Variants in OBSL1 observed in about 807,000 individuals in gnomAD.
OBSL1 encodes obscurin like cytoskeletal adaptor 1.
In OBSL1, 160 loss-of-function variants were observed where a neutral mutation model predicts 172.0. The ratio of observed to expected loss-of-function variants is 0.93; its 90% CI spans 0.82 to 1.06. The LOEUF is 1.06. Among genes scored for constraint, OBSL1 ranks in the 50% least tolerant of loss-of-function variants. The pLI, the probability that OBSL1 is intolerant of heterozygous loss-of-function variation, is 0.00. For synonymous variants in OBSL1, 1,200 were observed against 1,196.3 expected (o/e 1.00, Z -0.06); for missense variants, 2,681 against 2,715.4 (o/e 0.99, Z 0.28).
At chr2:219,547,441 T>G (rs1293039496), downstream of OBSL1, 2 of 1,316,766 alleles carry the variant, frequency 1.5e-6, no homozygotes, top group Non-Finnish European at 2.0e-6. Context: ...CTTGACCCCT[T>G]GGACCTGCTC....
chr2:219,571,202 G>C lies in OBSL1; in HGVS notation c.31C>G (p.Pro11Ala). 5 of 1,452,552 alleles carry C rather than the reference G, an allele frequency of 3.4e-6. No individual in the cohort carries two copies. The highest frequency in any genetic ancestry group is 4.5e-6 in the Non-Finnish European group (5 of 1,102,902). 90.0% of individuals were successfully genotyped at this position (1,452,552 alleles called of 1,614,324 possible). Residue 11 changes from proline (P) to alanine (A), a missense_variant, in exon 1 of 21, where the codon CCC becomes GCC. Around this residue, in one of 5 missense-constraint regions of OBSL1, gnomAD observed 90 missense variants for 76.6 expected, o/e 1.18. Coordinates refer to ENST00000404537, the MANE Select transcript of OBSL1 (RefSeq NM_015311.3). Reference protein sequence around the residue: MKASSGDQGSPPCFLRFPRPV... With the variant: MKASSGDQGSAPCFLRFPRPV... ...CGCGGGAAGCGCAGGAAGCACGGGGGGCTCCCCTGATCCCCCGAGCTCGCC... is the reference window on the plus strand; with the variant it reads ...CGCGGGAAGCGCAGGAAGCACGGGGCGCTCCCCTGATCCCCCGAGCTCGCC...
chr2:219,547,929 T>G, downstream of OBSL1: 1 of 1,595,916 alleles, frequency 6.3e-7, no homozygotes, highest in Non-Finnish European at 8.5e-7. Flanking sequence ...CTGCTACTGC[T>G]GGGGCGCTAC....
At chr2:219,564,145 T>C (rs540051138) in intron 6 of OBSL1, among the ~76,000 whole-genome samples, 4 of 152,268 alleles carry the variant, frequency 2.6e-5, no homozygotes, top group African/African-American at 9.6e-5. Flanking sequence ...ATGAGTGGGA[T>C]CCATGGTTCC....
rs995418822 is a variant in OBSL1, at chr2:219,556,258, A to T, written c.4371T>A (p.Asp1457Glu). The change falls in exon 14 of 21, where the codon GAT (aspartate) becomes GAA (glutamate). Residue 1457 changes from aspartate to glutamate, a missense_variant. Asp to Glu is a conservative substitution (Grantham distance 45). Coordinates refer to ENST00000404537, the MANE Select transcript of OBSL1 (RefSeq NM_015311.3). The stretch of plus-strand genomic sequence containing the variant: ...CATCCTGGCCTTCCTCTGCCCGCAC[A>T]TCCTGCAACCGCCGTAGGAACAGCA... Reference protein sequence around the residue: ...TELLFLRRLQDVRAEEGQDVC... With the variant: ...TELLFLRRLQEVRAEEGQDVC... 1.9e-6 allele frequency: 3 copies of T among 1,594,692 alleles called. No homozygotes were observed. In the African/African-American group the frequency reaches 4.0e-5, roughly 21 times the overall value.
At position 219,570,534 on chromosome 2, in the gene OBSL1, C is replaced by T. The variant is rs767983718; in HGVS notation, c.699G>A (p.Pro233=). 4 of 1,607,294 alleles carry T rather than the reference C, an allele frequency of 2.5e-6. No homozygotes were observed. The South Asian group carries it at 4.4e-5, about 18-fold the overall frequency. Residue 233 remains proline, a synonymous_variant, in exon 1 of 21, where the codon CCG becomes CCA. Transcript: ENST00000404537. Reference sequence around the variant, plus strand: ...CGGGGGCCTCGTCGGGGTCCGCGGGCGGGCTCTCGGGGGGCTGGTGCACCT... The same window carrying T: ...CGGGGGCCTCGTCGGGGTCCGCGGGTGGGCTCTCGGGGGGCTGGTGCACCT... The part of the protein sequence containing the change: ...LLQVHQPPES[P]PADPDEAPAP...
At position 219,558,067 on chromosome 2, in the gene OBSL1, C is replaced by T. The variant is rs377070232; in HGVS notation, c.3546G>A (p.Pro1182=). The T allele has an allele frequency of 1.6e-5, 26 of 1,613,612 alleles. No homozygotes were observed. The highest frequency in any genetic ancestry group is 8.8e-5 in the South Asian group (8 of 91,094). The change falls in exon 11 of 21, where the codon CCG becomes CCA. Residue 1182 remains proline, a synonymous_variant. Transcript: ENST00000404537. ...CTGGCTCCCCAGGGGCCACACAGAG[C>T]GGGCTTGGAGTTGTCTCTAGAGCAA... ...QFLALETTPS[P]LCVAPGEPVV...
At chr2:219,561,906 C>T (rs537387643) in intron 8 of OBSL1, 14 of 717,454 alleles carry the variant, frequency 2.0e-5, no homozygotes, top group South Asian at 8.9e-5. Flanking sequence ...AGCTGTTCGT[C>T]GCCATGGGGG....
chr2:219,548,156 G>A, downstream of OBSL1: 2 of 1,341,154 alleles, frequency 1.5e-6, no homozygotes, highest in Non-Finnish European at 2.0e-6. Context: ...AGTGACTGGG[G>A]AGTGGGGGAC....
At chr2:219,561,793 G>A in intron 8 of OBSL1, 1 of 702,302 alleles carries the variant, frequency 1.4e-6, no homozygotes, top group South Asian at 1.5e-5. Context: ...GCCAGGTTAG[G>A]TTAGCGGCTG....
Position 219,566,925 on chromosome 2 carries a change from C to T in OBSL1, c.2039G>A (p.Arg680Lys). Residue 680 changes from arginine (R) to lysine (K), a missense_variant, in exon 5 of 21, where the codon AGA becomes AAA. This residue lies in a region of OBSL1 where 1,765 missense variants were observed against 1,748.3 expected (regional missense o/e 1.01). Coordinates refer to ENST00000404537, the MANE Select transcript of OBSL1 (RefSeq NM_015311.3). ...YRIEQKGLQH[R>K]LILHAVKHQD... is the part of the protein sequence containing the mutation. Reference sequence around the variant, plus strand: ...GTGCTTGACGGCATGCAGGATGAGTCTGTGCTGCAGACCCTTCTGCTCTAT... The same window carrying T: ...GTGCTTGACGGCATGCAGGATGAGTTTGTGCTGCAGACCCTTCTGCTCTAT... 6.2e-7 allele frequency: 1 copy of T among 1,613,592 alleles called. No individual in the cohort carries two copies. Among genetic ancestry groups the T allele is most frequent in the Non-Finnish European group, 8.5e-7 (1 of 1,179,654 alleles).
chr2:219,570,599 G>C lies in OBSL1; in HGVS notation c.634C>G (p.Arg212Gly). The part of the protein sequence containing the change: ...PDSGVYVCHA[R>G]NAHGHAQAGA... ...GCCTGCGCGTGGCCGTGCGCGTTGC[G>C]GGCGTGGCACACGTAGACGCCGGAA... Residue 212 changes from arginine to glycine, a missense_variant, in exon 1 of 21, where the codon CGC becomes GGC. Physicochemically the swap from Arg to Gly is moderately radical, Grantham distance 125. Around this residue, in one of 5 missense-constraint regions of OBSL1, gnomAD observed 706 missense variants for 695.8 expected, o/e 1.01. Coordinates refer to ENST00000404537, the MANE Select transcript of OBSL1 (RefSeq NM_015311.3). 11 of 1,516,086 alleles carry C rather than the reference G, an allele frequency of 7.3e-6. No individual in the cohort carries two copies. The highest frequency in any genetic ancestry group is 1.4e-5 in the African/African-American group (1 of 69,416). 93.9% of individuals were successfully genotyped at this position (1,516,086 alleles called of 1,614,324 possible).
rs990876533 is a variant in OBSL1, at chr2:219,570,680, C to T, written c.553G>A (p.Glu185Lys). The T allele has an allele frequency of 6.6e-7, 1 of 1,507,720 alleles. No homozygotes were observed. The highest frequency in any genetic ancestry group is 8.8e-7 in the Non-Finnish European group (1 of 1,134,332). 93.4% of individuals were successfully genotyped at this position (1,507,720 alleles called of 1,614,324 possible). A position where few individuals can be genotyped will look rare whatever the true frequency, so the allele number is the denominator to read the frequency against. ...SHFALQPGRA[E>K]DGPGASLALR... Reference sequence around the variant, plus strand: ...GCCAGGCTCGCGCCGGGGCCGTCCTCGGCGCGGCCCGGCTGGAGCGCGAAG... The same window carrying T: ...GCCAGGCTCGCGCCGGGGCCGTCCTTGGCGCGGCCCGGCTGGAGCGCGAAG... The change falls in exon 1 of 21, where the codon GAG (glutamate) becomes AAG (lysine). Residue 185 changes from glutamate (E) to lysine (K), a missense_variant. Glu to Lys is a moderately conservative substitution (Grantham distance 56). Around this residue, in one of 5 missense-constraint regions of OBSL1, gnomAD observed 706 missense variants for 695.8 expected, o/e 1.01. Transcript: ENST00000404537.
At chr2:219,560,716 A>G (rs1374919573) in intron 8 of OBSL1, among the ~76,000 whole-genome samples, 3 of 152,146 alleles carry the variant, frequency 2.0e-5, no homozygotes, top group Non-Finnish European at 4.4e-5. Context: ...GCCTTGAGCC[A>G]CACAACCCAC....
intron 14 of OBSL1, 128 bp from the exon 15 acceptor site, chr2:219,554,868 T>G: frequency 9.1e-7 from 1 of 1,100,750 alleles, no homozygotes; most frequent in Non-Finnish European, 1.3e-6. Flanking sequence ...CCAAAAAAGT[T>G]CGGAACCAGG....
downstream of OBSL1, among the ~76,000 whole-genome samples, chr2:219,548,388 T>C (rs902846979): frequency 1.3e-5 from 2 of 152,166 alleles, no homozygotes; most frequent in African/African-American, 2.4e-5. Flanking sequence ...CAAACAAACA[T>C]GATTCCAGTT....
At chr2:219,561,312 A>G (rs2114597) in intron 8 of OBSL1, among the ~76,000 whole-genome samples, 58,727 of 151,806 alleles carry the variant, frequency 0.39, 11,814 homozygotes, top group East Asian at 0.56. Context: ...CCAGCCCCAG[A>G]CACACACTGG....
Position 219,555,037 on chromosome 2 carries a change from C to T in OBSL1, c.4610-297G>A. 9.3e-6 allele frequency: 4 copies of T among 428,612 alleles called. No individual in the cohort carries two copies. The East Asian group carries it at 1.6e-4, about 17-fold the overall frequency. The allele number at this position is 428,612 out of a possible 1,614,324, so 26.6% of individuals were successfully genotyped here. A position where few individuals can be genotyped will look rare whatever the true frequency, so the allele number is the denominator to read the frequency against. On this transcript the variant is annotated intron_variant, in intron 14 of 20. Transcript: ENST00000404537. ...CTTGAAGGAGCACGGAATTTGGAGTCAGACACACTAGGAATGGAACCTCGC... is the reference window on the plus strand; with the variant it reads ...CTTGAAGGAGCACGGAATTTGGAGTTAGACACACTAGGAATGGAACCTCGC...
At chr2:219,553,532 G>T in intron 16 of OBSL1, 42 bp downstream of exon 16, 1 of 1,357,504 alleles carries the variant, frequency 7.4e-7, no homozygotes, top group Non-Finnish European at 1.1e-6. Context: ...TATTATCGTT[G>T]GTGTTACACT....
chr2:219,549,796 A>G (rs758190483), downstream of OBSL1: 1 of 1,614,058 alleles, frequency 6.2e-7, no homozygotes, highest in Non-Finnish European at 8.5e-7. Flanking sequence ...GATGCGGACT[A>G]TGAGTATGGG....
Sources: allele counts gnomAD v4.1 joint callset (sites outside exome capture counted in the v4.1 genomes callset), GRCh38; gene constraint gnomAD v4.1.1; regional missense constraint gnomAD v4.1.1; transcripts MANE v1.5; gene names NCBI Gene and HGNC (gene_info 2026-07-23, HGNC 2026-07-21).